Variants in ENOX1 observed in about 807,000 individuals in gnomAD.
The protein encoded by ENOX1 is ecto-NOX disulfide-thiol exchanger 1.
ENOX1 carries 42 observed loss-of-function variants against 82.5 expected under a neutral mutation model. The ratio of observed to expected loss-of-function variants is 0.51; its 90% CI spans 0.40 to 0.66. The LOEUF (loss-of-function observed/expected upper bound fraction) is 0.66. Among genes scored for constraint, ENOX1 ranks in the 30% least tolerant of loss-of-function variants. ENOX1 has a pLI of 0.00. For missense variants in ENOX1, 608 were observed against 811.6 expected, an observed-to-expected ratio of 0.75 and a Z score of 3.05; for synonymous variants, 271 against 282.2, an observed-to-expected ratio of 0.96 and a Z score of 0.40.
intron 3 of ENOX1, among the ~76,000 whole-genome samples, chr13:43,450,791 A>G (rs1267718974): frequency 6.6e-6 from 1 of 152,114 alleles, no homozygotes; most frequent in Admixed American, 6.5e-5. Flanking sequence ...CTCATGGGCA[A>G]GATGTTTGCT....
chr13:43,614,803 C>T (rs1050792731), intron 2 of ENOX1, among the ~76,000 whole-genome samples: 1 of 152,090 alleles, frequency 6.6e-6, no homozygotes, highest in African/African-American at 2.4e-5. Context: ...TAGAATGATG[C>T]GGGATGTGGA....
chr13:43,537,804 T>C (rs545948405), intron 2 of ENOX1, among the ~76,000 whole-genome samples: 1 of 152,322 alleles, frequency 6.6e-6, no homozygotes, highest in East Asian at 1.9e-4. Context: ...AGCTTATTAC[T>C]GATTGGAACT....
At chr13:43,299,886 G>A (rs1416375383) in intron 11 of ENOX1, among the ~76,000 whole-genome samples, 1 of 152,166 alleles carries the variant, frequency 6.6e-6, no homozygotes, top group Non-Finnish European at 1.5e-5. Context: ...CCGTGTCAGA[G>A]GACCAAATCA....
chr13:43,419,035 G>A (rs2054811243), intron 3 of ENOX1, among the ~76,000 whole-genome samples: 1 of 152,158 alleles, frequency 6.6e-6, no homozygotes, highest in South Asian at 2.1e-4. Context: ...AAACTTAGCT[G>A]GGTATGGTGG....
chr13:43,694,976 A>G (rs2086560534), intron 1 of ENOX1, among the ~76,000 whole-genome samples: 1 of 152,236 alleles, frequency 6.6e-6, no homozygotes, highest in Admixed American at 6.5e-5. Flanking sequence ...AGGCAAGGCC[A>G]GCAACCATTC....
At chr13:43,778,300 T>G (rs1456231590) in intron 1 of ENOX1, among the ~76,000 whole-genome samples, 1 of 152,238 alleles carries the variant, frequency 6.6e-6, no homozygotes, top group Non-Finnish European at 1.5e-5. Flanking sequence ...AGATTTATGT[T>G]TTCTTTCTCT....
In ENOX1 at chr13:43,248,295, C is replaced by A. The variant is rs76664698; in HGVS notation, c.1612-11557G>T. 5.6e-3 allele frequency among the ~76,000 whole-genome samples: 849 copies of A among 151,954 alleles called. 6 individuals are homozygous for A. Among genetic ancestry groups the A allele is most frequent in the African/African-American group, 0.02 (819 of 41,428 alleles). On this transcript the variant is annotated intron_variant, in intron 14 of 16. Coordinates refer to ENST00000690772, the MANE Select transcript of ENOX1 (RefSeq NM_001347969.2). ...AGACCTCATGGGTGAAAATGACTGG[C>A]CATCATAAGGGTTTGGTCAGTACCC...
chr13:43,247,663 T>C (rs1291725583), intron 14 of ENOX1, among the ~76,000 whole-genome samples: 3 of 149,756 alleles, frequency 2.0e-5, no homozygotes, highest in African/African-American at 4.9e-5. Context: ...CTTTCCAGCC[T>C]CTTGCACGGT....
chr13:43,501,348 T>C (rs949030509), intron 2 of ENOX1, among the ~76,000 whole-genome samples: 4 of 151,722 alleles, frequency 2.6e-5, no homozygotes, highest in Non-Finnish European at 5.9e-5. Flanking sequence ...TCAATATGGA[T>C]TGATCACACA....
chr13:43,562,815 TA>T (rs1289170501), intron 2 of ENOX1, among the ~76,000 whole-genome samples: 1 of 152,176 alleles, frequency 6.6e-6, no homozygotes, highest in Non-Finnish European at 1.5e-5. Context: ...CATTATATAA[TA>T]ATCTATGGGT....
At chr13:43,455,535 T>A (rs2057184305) in intron 3 of ENOX1, among the ~76,000 whole-genome samples, 1 of 152,164 alleles carries the variant, frequency 6.6e-6, no homozygotes, top group South Asian at 2.1e-4. Flanking sequence ...CTGAATCATT[T>A]TTTTCTTGTT....
At chr13:43,395,741 C>A (rs1211882146) in intron 5 of ENOX1, among the ~76,000 whole-genome samples, 1 of 152,198 alleles carries the variant, frequency 6.6e-6, no homozygotes, top group Non-Finnish European at 1.5e-5. Flanking sequence ...GCCTTATCCA[C>A]AAGCATGGAG....
chr13:43,655,084 C>T (rs1411337420), intron 2 of ENOX1, among the ~76,000 whole-genome samples: 2 of 152,184 alleles, frequency 1.3e-5, no homozygotes, highest in Non-Finnish European at 2.9e-5. Context: ...GCTGTGTTCA[C>T]TGATGATCCC....
chr13:43,387,443 T>A (rs1165800194), intron 5 of ENOX1, among the ~76,000 whole-genome samples: 1 of 151,934 alleles, frequency 6.6e-6, no homozygotes, highest in Non-Finnish European at 1.5e-5. Flanking sequence ...GTTTCAGAAG[T>A]AAAAGGAGGC....
chr13:43,355,850 A>G (rs1363971323), intron 8 of ENOX1, 69 bp downstream of exon 8: 6 of 1,450,186 alleles, frequency 4.1e-6, no homozygotes, highest in Non-Finnish European at 5.7e-6. Context: ...TGGACGCAGG[A>G]GAAACGCACA....
intron 1 of ENOX1, among the ~76,000 whole-genome samples, chr13:43,783,659 G>A (rs1055232363): frequency 6.6e-6 from 1 of 152,134 alleles, no homozygotes; most frequent in South Asian, 2.1e-4. Flanking sequence ...AAGAGCACCT[G>A]GCAGCAGCAG....
intron 3 of ENOX1, among the ~76,000 whole-genome samples, chr13:43,421,907 A>C (rs1703949083): frequency 6.6e-6 from 1 of 150,862 alleles, no homozygotes; most frequent in African/African-American, 2.4e-5. Context: ...ATGTAATTTC[A>C]AATGAATTCA....
intron 9 of ENOX1, among the ~76,000 whole-genome samples, chr13:43,331,796 G>A (rs2048422093): frequency 1.3e-5 from 2 of 152,230 alleles, no homozygotes; most frequent in South Asian, 4.2e-4. Context: ...AGGGAGAAGC[G>A]GTATGTGTCG....
chr13:43,562,219 G>A (rs570487977), intron 2 of ENOX1, among the ~76,000 whole-genome samples: 1 of 152,002 alleles, frequency 6.6e-6, no homozygotes, highest in Non-Finnish European at 1.5e-5. Context: ...ACAATAAAAA[G>A]TTAAAAAGTT....
Sources: gnomAD v4.1 joint callset for allele counts (sites outside exome capture counted in the v4.1 genomes callset) on GRCh38, gnomAD v4.1.1 for gene constraint, MANE v1.5 for transcripts, NCBI Gene and HGNC (gene_info 2026-07-23, HGNC 2026-07-21) for gene names.